The following LRRC69 variants were observed in gnomAD, a reference collection of about 807,000 sequenced individuals.
LRRC69 encodes leucine rich repeat containing 69, also known as leucine-rich repeat-containing protein 69.
Under a neutral mutation model 37.8 loss-of-function variants are expected in LRRC69, and 42 were observed. The ratio of observed to expected loss-of-function variants is 1.11; its 90% confidence interval spans 0.87 to 1.44. LRRC69 has a LOEUF of 1.44. Among genes scored for constraint, LRRC69 ranks in the 40% most tolerant of loss-of-function variants. The probability of loss-of-function intolerance (pLI) is 0.00; values close to 1 mark genes in which losing one functional copy is unlikely to be tolerated. For missense variants in LRRC69, 357 were observed against 401.9 expected (o/e 0.89, Z 0.96); for synonymous variants, 141 against 143.1 (o/e 0.99, Z 0.11).
chr8:91,107,051 C>T (rs1813327369), intron 1 of LRRC69, among the ~76,000 whole-genome samples: 1 of 150,908 alleles, frequency 6.6e-6, no homozygotes, highest in South Asian at 2.1e-4. Flanking sequence ...ATCCTCCCAC[C>T]TCAGCCTCCC....
chr8:91,184,462 G>C (rs1221646711), intron 5 of LRRC69, among the ~76,000 whole-genome samples: 1 of 152,128 alleles, frequency 6.6e-6, no homozygotes, highest in Non-Finnish European at 1.5e-5. Context: ...TTGTTTGCAT[G>C]GGGGCAGTGG....
chr8:91,145,780 C>A (rs1808609340), intron 5 of LRRC69, among the ~76,000 whole-genome samples: 1 of 151,714 alleles, frequency 6.6e-6, no homozygotes, highest in Admixed American at 6.6e-5. Context: ...AGAATGAGAT[C>A]ATATTTTCTG....
intron 4 of LRRC69, among the ~76,000 whole-genome samples, chr8:91,134,930 G>GGGTAT (rs749819352): frequency 2.0e-5 from 3 of 151,942 alleles, no homozygotes; most frequent in African/African-American, 2.4e-5. Flanking sequence ...TACTTGTGAG[G>GGGTAT]GGTATACACA....
intron 1 of LRRC69, among the ~76,000 whole-genome samples, chr8:91,109,362 C>T (rs559537730): frequency 6.6e-6 from 1 of 152,150 alleles, no homozygotes; most frequent in African/African-American, 2.4e-5. Context: ...AAGTGGGCCT[C>T]GTCATTCTTA....
intron 6 of LRRC69, among the ~76,000 whole-genome samples, chr8:91,197,852 C>T (rs1481609833): frequency 6.6e-6 from 1 of 152,042 alleles, no homozygotes; most frequent in Non-Finnish European, 1.5e-5. Flanking sequence ...TCCTATTCGG[C>T]CATCTTGGCT....
At chr8:91,145,976 G>A (rs1808612310) in intron 5 of LRRC69, among the ~76,000 whole-genome samples, 1 of 151,738 alleles carries the variant, frequency 6.6e-6, no homozygotes, top group Non-Finnish European at 1.5e-5. Context: ...TAAAAATTGA[G>A]GGCCCAATTA....
chr8:91,172,706 C>G (rs1161230821), intron 5 of LRRC69, among the ~76,000 whole-genome samples: 5 of 151,600 alleles, frequency 3.3e-5, no homozygotes, highest in African/African-American at 7.3e-5. Context: ...GTAGAGACAG[C>G]GTTTCTCCAT....
At chr8:91,137,118 G>T (rs1346884817) in intron 5 of LRRC69, among the ~76,000 whole-genome samples, 4 of 151,962 alleles carry the variant, frequency 2.6e-5, no homozygotes, top group Non-Finnish European at 5.9e-5. Context: ...AATTTTTTAA[G>T]GAATCACCAC....
At chr8:91,140,677 G>A (rs1439187273) in intron 5 of LRRC69, among the ~76,000 whole-genome samples, 1 of 11,532 alleles carries the variant, frequency 8.7e-5, no homozygotes, top group African/African-American at 5.6e-4. Context: ...TTTTTGAGAC[G>A]GAGTCTCGCT....
intron 5 of LRRC69, among the ~76,000 whole-genome samples, chr8:91,185,821 C>T (rs377628425): frequency 2.6e-5 from 4 of 151,946 alleles, no homozygotes; most frequent in South Asian, 2.1e-4. Flanking sequence ...TAAAGAGTAA[C>T]GCTATGAATT....
chr8:91,176,115 C>CATATATATATATATAT (rs1220622429), intron 5 of LRRC69, among the ~76,000 whole-genome samples: 1 of 102,336 alleles, frequency 9.8e-6, no homozygotes, highest in African/African-American at 4.1e-5. Context: ...CACCATCCCT[C>CATATATATATATATAT]ATATATATAT....
chr8:91,121,444 C>G (rs1034345344), intron 1 of LRRC69, among the ~76,000 whole-genome samples: 3 of 152,008 alleles, frequency 2.0e-5, no homozygotes, highest in African/African-American at 7.2e-5. Flanking sequence ...GTTCCTCTAC[C>G]TGCAGTGCTC....
At chr8:91,102,809 C>G in exon 1 of LRRC69, 1 of 1,551,188 alleles carries the variant, frequency 6.4e-7, no homozygotes, top group South Asian at 1.2e-5. Flanking sequence ...TAACCTAATC[C>G]CCAAAGTGTG....
intron 1 of LRRC69, among the ~76,000 whole-genome samples, chr8:91,113,845 G>A (rs979360011): frequency 3.3e-5 from 5 of 151,200 alleles, no homozygotes; most frequent in African/African-American, 4.8e-5. Flanking sequence ...TAAGGAACTC[G>A]TGCAACTCAA....
At chr8:91,124,796 A>G (rs1173403210) in intron 2 of LRRC69, 177 bp downstream of exon 2, 11 of 500,484 alleles carry the variant, frequency 2.2e-5, no homozygotes, top group African/African-American at 4.0e-5. Flanking sequence ...ATTGTATCAT[A>G]TGTTTATTTA....
intron 5 of LRRC69, chr8:91,158,209 C>T (rs918672632): frequency 6.2e-7 from 1 of 1,601,906 alleles, no homozygotes; most frequent in Non-Finnish European, 8.5e-7. Context: ...CATGGGCTTA[C>T]TATTCAACTG....
chr8:91,143,081 C>T (rs1401156692), intron 5 of LRRC69, among the ~76,000 whole-genome samples: 1 of 152,064 alleles, frequency 6.6e-6, no homozygotes, highest in East Asian at 1.9e-4. Flanking sequence ...TTTTTAGCCA[C>T]ACTGTGGATG....
intron 5 of LRRC69, among the ~76,000 whole-genome samples, chr8:91,150,253 C>T (rs1808707944): frequency 1.3e-5 from 2 of 151,766 alleles, no homozygotes; most frequent in African/African-American, 4.8e-5. Flanking sequence ...TTTTGAGATA[C>T]ATCCCATCAA....
chr8:91,163,333 G>C (rs1005530004), intron 5 of LRRC69, among the ~76,000 whole-genome samples: 4 of 151,388 alleles, frequency 2.6e-5, no homozygotes, highest in Admixed American at 6.6e-5. Context: ...ATCTTTGCCT[G>C]TTTATTCATT....
Sources: allele counts gnomAD v4.1 joint callset (sites outside exome capture counted in the v4.1 genomes callset), GRCh38; gene constraint gnomAD v4.1.1; transcripts MANE v1.5; gene names NCBI Gene and HGNC (gene_info 2026-07-23, HGNC 2026-07-21).